Variants in TTC39B observed in about 807,000 individuals in gnomAD.
TTC39B encodes the protein tetratricopeptide repeat domain 39B.
A neutral mutation model predicts 96.6 loss-of-function variants in TTC39B; 92 were observed. The observed-to-expected ratio is 0.95, with a 90% CI of 0.80 to 1.13. The LOEUF (loss-of-function observed/expected upper bound fraction) is 1.13. Ranked by LOEUF, TTC39B falls within the 50% of genes most tolerant of loss-of-function variation. The probability of loss-of-function intolerance (pLI) is 0.00; values close to 1 mark genes in which losing one functional copy is unlikely to be tolerated. For missense variants in TTC39B, 955 were observed against 809.3 expected, an observed-to-expected ratio of 1.18 and a Z score of -2.18; for synonymous variants, 367 against 299.4, an observed-to-expected ratio of 1.23 and a Z score of -2.33.
At chr9:15,215,282 T>A (rs1820446820) in intron 3 of TTC39B, among the ~76,000 whole-genome samples, 1 of 151,818 alleles carries the variant, frequency 6.6e-6, no homozygotes, top group Admixed American at 6.6e-5. Context: ...GGTGGCTGAT[T>A]ACAGGCTCAA....
chr9:15,175,100 G>C, exon 19 of TTC39B: 2 of 1,613,486 alleles, frequency 1.2e-6, no homozygotes, highest in Non-Finnish European at 1.7e-6. Context: ...TAGAGTGAAC[G>C]GCACTAGGTA....
chr9:15,246,821 C>T (rs1280134104), intron 2 of TTC39B, among the ~76,000 whole-genome samples: 5 of 152,248 alleles, frequency 3.3e-5, no homozygotes, highest in Non-Finnish European at 5.9e-5. Context: ...CTGAGCCACC[C>T]CAGGTGATTC....
At chr9:15,241,574 A>G (rs1822041319) in intron 2 of TTC39B, among the ~76,000 whole-genome samples, 1 of 152,122 alleles carries the variant, frequency 6.6e-6, no homozygotes, top group Admixed American at 6.5e-5. Flanking sequence ...TAAAAACAGG[A>G]TAAAAGAGAT....
chr9:15,178,132 G>T (rs1818056708), intron 17 of TTC39B, among the ~76,000 whole-genome samples: 1 of 152,066 alleles, frequency 6.6e-6, no homozygotes, highest in Admixed American at 6.5e-5. Flanking sequence ...GCCTCCCAGA[G>T]TGCTGGGATT....
chr9:15,251,660 T>C lies in TTC39B; in HGVS notation c.275+16254A>G, dbSNP rs948093834. Among the ~76,000 whole-genome samples, 12 of 134,010 alleles carry C rather than the reference T, an allele frequency of 9.0e-5. No individual in the cohort carries two copies. The East Asian group carries it at 2.6e-3, about 29-fold the overall frequency. The allele number at this position is 134,010 out of a possible 152,430, so 87.9% of individuals were successfully genotyped here. On this transcript the variant is annotated intron_variant, in intron 2 of 19. Coordinates refer to ENST00000512701, the Ensembl canonical transcript of TTC39B. ...CTAGTTTTCTTCCTCTCTATATATA[T>C]ACGCGCATACACACACACACACACA...
intron 2 of TTC39B, among the ~76,000 whole-genome samples, chr9:15,264,946 T>C (rs1014285938): frequency 6.6e-6 from 1 of 152,096 alleles, no homozygotes; most frequent in African/African-American, 2.4e-5. Flanking sequence ...AGAGTTGTTT[T>C]TGTGCAAACA....
chr9:15,219,814 G>T (rs751446242), intron 3 of TTC39B, among the ~76,000 whole-genome samples: 1 of 152,162 alleles, frequency 6.6e-6, no homozygotes, highest in Admixed American at 6.5e-5. Context: ...TTCTCTCAGC[G>T]ATGCAGTGAG....
chr9:15,185,538 A>C, intron 15 of TTC39B, 132 bp from the exon 16 acceptor site: 1 of 1,431,284 alleles, frequency 7.0e-7, no homozygotes, highest in Non-Finnish European at 9.4e-7. Context: ...CCTATTTGAA[A>C]TGCCAATTTT....
intron 1 of TTC39B, among the ~76,000 whole-genome samples, chr9:15,287,832 G>C (rs1016091898): frequency 6.6e-6 from 1 of 151,330 alleles, no homozygotes; most frequent in Admixed American, 6.6e-5. Flanking sequence ...TGTAGTCCCA[G>C]CTACTCGGGA....
At chr9:15,208,385 T>TA (rs1012475639) in intron 6 of TTC39B, among the ~76,000 whole-genome samples, 50 of 151,610 alleles carry the variant, frequency 3.3e-4, no homozygotes, top group Admixed American at 1.6e-3. Flanking sequence ...AAAATGCAGC[T>TA]AAAAAAAATC....
intron 2 of TTC39B, among the ~76,000 whole-genome samples, chr9:15,257,412 T>C (rs1411890510): frequency 6.6e-6 from 1 of 152,154 alleles, no homozygotes; most frequent in Non-Finnish European, 1.5e-5. Flanking sequence ...TGGTTTACTA[T>C]CCTCTTTACT....
intron 11 of TTC39B, 27 bp from the exon 12 acceptor site, chr9:15,189,819 G>A (rs766483713): frequency 9.3e-6 from 14 of 1,499,154 alleles, no homozygotes; most frequent in Admixed American, 1.8e-5. Context: ...AAAAGACTCA[G>A]TCTTCATAAG....
intron 2 of TTC39B, among the ~76,000 whole-genome samples, chr9:15,241,968 A>G (rs748573905): frequency 6.6e-6 from 1 of 151,622 alleles, no homozygotes; most frequent in Non-Finnish European, 1.5e-5. Context: ...CTGGTCTCAA[A>G]CTCCTGACCT....
At chr9:15,210,816 C>CACACACAAG (rs200399388) in intron 5 of TTC39B, among the ~76,000 whole-genome samples, 3,247 of 152,182 alleles carry the variant, frequency 0.021, 116 homozygotes, top group African/African-American at 0.074. Context: ...TAGGGTCTTC[C>CACACACAAG]TATACACACA....
intron 14 of TTC39B, 61 bp from the exon 15 acceptor site, chr9:15,187,096 C>A: frequency 8.0e-7 from 1 of 1,253,322 alleles, no homozygotes; most frequent in Non-Finnish European, 1.1e-6. Context: ...TTCTACCTTT[C>A]AAATCAGGAA....
At chr9:15,167,846 T>C (rs1817557033) in exon 20 of TTC39B, 1 of 152,192 alleles carries the variant, frequency 6.6e-6, no homozygotes, top group Non-Finnish European at 1.5e-5. Context: ...AAAAAGAATG[T>C]CTGTAAAATC....
chr9:15,232,474 T>C (rs921038388), intron 2 of TTC39B: 6 of 152,290 alleles, frequency 3.9e-5, no homozygotes, highest in Admixed American at 1.3e-4. Flanking sequence ...AAAATCTAAA[T>C]GTTGTGACAT....
intron 16 of TTC39B, among the ~76,000 whole-genome samples, chr9:15,183,743 G>C (rs1176244031): frequency 6.6e-6 from 1 of 152,212 alleles, no homozygotes; most frequent in African/African-American, 2.4e-5. Flanking sequence ...GGCTCTAATT[G>C]GTTAAGCAAC....
At chr9:15,190,614 T>G (rs1030790786) in exon 11 of TTC39B, 1 of 1,614,100 alleles carries the variant, frequency 6.2e-7, no homozygotes, top group Non-Finnish European at 8.5e-7. Context: ...AGTGCAGACC[T>G]CATGCTCCTT....
Sources: gnomAD v4.1 joint callset for allele counts (sites outside exome capture counted in the v4.1 genomes callset) on GRCh38, gnomAD v4.1.1 for gene constraint, MANE v1.5 for transcripts, NCBI Gene and HGNC (gene_info 2026-07-23, HGNC 2026-07-21) for gene names.